Variants in REEP2 observed in about 807,000 individuals in gnomAD.
REEP2 encodes the protein receptor expression-enhancing protein 2.
In REEP2, 9 loss-of-function variants were observed where a neutral mutation model predicts 32.1. The ratio of observed to expected loss-of-function variants is 0.28; its 90% CI spans 0.17 to 0.49. The LOEUF is 0.49. REEP2 is among the 20% of genes least tolerant of loss of function. The pLI is 0.99. For missense variants in REEP2, 236 were observed against 338.0 expected, an observed-to-expected ratio of 0.70 and a Z score of 2.37; for synonymous variants, 128 against 139.1, an observed-to-expected ratio of 0.92 and a Z score of 0.56.
rs752698231 is a variant in REEP2, at chr5:138,445,333, C to T, written c.523C>T (p.Arg175Ter). The change falls in exon 6 of 8, where the codon CGA becomes TGA. Residue 175 changes from arginine to a stop codon, truncating the protein, a stop_gained. Coordinates refer to ENST00000378339, the MANE Select transcript of REEP2 (RefSeq NM_001271803.2). LOFTEE classifies it high-confidence loss of function. ...CCTGCAGAGGCCTGACGGCCGCCTC[C>T]GACCCAGCCCTGGCAGCCTCCTGGA... ...LPLQRPDGRL[R>*]PSPGSLLDTI... is the part of the protein sequence containing the mutation. The T allele has an allele frequency of 1.9e-6, 3 of 1,613,452 alleles. No homozygotes were observed. The highest frequency in any genetic ancestry group is 1.3e-5 in the African/African-American group (1 of 74,948).
In REEP2 at chr5:138,439,088, C is replaced by T. The variant is rs1763770721; in HGVS notation, c.-121C>T. 2.6e-6 allele frequency: 1 copy of T among 379,796 alleles called. No individual in the cohort carries two copies. Among genetic ancestry groups the T allele is most frequent in the East Asian group, 7.6e-5 (1 of 13,226 alleles). 23.5% of individuals were successfully genotyped at this position (379,796 alleles called of 1,614,324 possible). A position where few individuals can be genotyped will look rare whatever the true frequency, so the allele number is the denominator to read the frequency against. On this transcript the variant is annotated 5_prime_UTR_variant, in exon 1 of 8. Coordinates refer to ENST00000378339, the MANE Select transcript of REEP2 (RefSeq NM_001271803.2). Reference sequence around the variant, plus strand: ...GGGCGCTCCGCTGCCCCCGCGGCGGCTGCTGCAGCGGCTGCTGCTGCTACT... The same window carrying T: ...GGGCGCTCCGCTGCCCCCGCGGCGGTTGCTGCAGCGGCTGCTGCTGCTACT...
At position 138,444,496 on chromosome 5, in the gene REEP2, C is replaced by T; in HGVS notation, c.264C>T (p.Tyr88=). 1 of 1,614,110 alleles carries T rather than the reference C, an allele frequency of 6.2e-7. No homozygotes were observed. Among genetic ancestry groups the T allele is most frequent in the Non-Finnish European group, 8.5e-7 (1 of 1,179,990 alleles). Residue 88 remains tyrosine, a synonymous_variant, in exon 4 of 8, where the codon TAC becomes TAT. Coordinates refer to ENST00000378339, the MANE Select transcript of REEP2 (RefSeq NM_001271803.2). ...ACACCAAGGGCTCCAGCGTGCTCTA[C>T]CGCAAGTTCGTGCACCCAACGCTGT... is the stretch of plus-strand genomic sequence containing the variant. The part of the protein sequence containing the change: ...SPYTKGSSVL[Y]RKFVHPTLSN...
chr5:138,441,438 G>A lies in REEP2; in HGVS notation c.159G>A (p.Thr53=), dbSNP rs138667579. 1.3e-4 allele frequency: 216 copies of A among 1,614,090 alleles called. No homozygotes were observed. Among genetic ancestry groups the A allele is most frequent in the African/African-American group, 7.1e-4 (53 of 75,036 alleles). The change falls in exon 3 of 8, where the codon ACG becomes ACA. Residue 53 remains threonine (T), a synonymous_variant. Transcript: ENST00000378339. The surrounding 1 kb of genome is among the most constrained non-coding windows in gnomAD (Gnocchi z 4.4). ...IVFAFFTTAE[T]LTDIVLSWFP... ...TTGCCTTCTTCACCACGGCCGAGAC[G>A]CTCACGGATATAGTGCTCTCCTGGT...
chr5:138,444,342 G>T, intron 3 of REEP2, 73 bp from the exon 4 acceptor site: 1 of 1,561,274 alleles, frequency 6.4e-7, no homozygotes. Flanking sequence ...TCACACATGG[G>T]GCCGGTGCTG....
chr5:138,441,209 C>A lies in REEP2; in HGVS notation c.105+121C>A. ...CACTGTCAGCCACTAACAAGACCCA[C>A]CAGCAAAGGAGGGCCCTGGGTGTCC... On this transcript the variant is annotated intron_variant, in intron 2 of 7. Transcript: ENST00000378339. This position sits in a 1 kb window ranked among gnomAD's most constrained non-coding sequence, Gnocchi z 4.4. 7.0e-7 allele frequency: 1 copy of A among 1,418,982 alleles called. No individual in the cohort carries two copies. Among genetic ancestry groups the A allele is most frequent in the Non-Finnish European group, 9.8e-7 (1 of 1,019,986 alleles). The allele number at this position is 1,418,982 out of a possible 1,614,324, so 87.9% of individuals were successfully genotyped here.
At chr5:138,439,404 G>A (rs939260091) in intron 1 of REEP2, among the ~76,000 whole-genome samples, 164 bp downstream of exon 1, 2 of 152,134 alleles carry the variant, frequency 1.3e-5, no homozygotes, top group African/African-American at 4.8e-5. Flanking sequence ...CAGGACTGGA[G>A]GGGGGAATAT....
rs141618979 is a variant in REEP2, at chr5:138,445,766, G to A, written c.*15G>A. ...ACTCAGCTTGAGCCCCTCCACCCCC[G>A]CAGGCTGCAGAGCAAGGATGAAGCC... On this transcript the variant is annotated 3_prime_UTR_variant, in exon 8 of 8. Transcript: ENST00000378339. The A allele has an allele frequency of 8.7e-6, 14 of 1,610,926 alleles. No individual in the cohort carries two copies. Among genetic ancestry groups the A allele is most frequent in the Middle Eastern group, 1.7e-4 (1 of 6,048 alleles).
chr5:138,440,191 C>A (rs1026149714), intron 1 of REEP2, among the ~76,000 whole-genome samples: 8 of 152,210 alleles, frequency 5.3e-5, no homozygotes, highest in Non-Finnish European at 1.0e-4. Flanking sequence ...GGACTGACAC[C>A]GGCAGCCCCA....
At chr5:138,444,678 G>T in intron 4 of REEP2, 76 bp from the exon 5 acceptor site, 2 of 1,568,318 alleles carry the variant, frequency 1.3e-6, no homozygotes, top group East Asian at 2.3e-5. Flanking sequence ...CCCGGAGCAG[G>T]CAGGGGCCTC....
At position 138,445,657 on chromosome 5, in the gene REEP2, C is replaced by A. The variant is rs780135763; in HGVS notation, c.697-26C>A. 5.0e-6 allele frequency: 8 copies of A among 1,613,976 alleles called. No homozygotes were observed. The African/African-American group carries it at 8.0e-5, about 16-fold the overall frequency. On this transcript the variant is annotated intron_variant, in intron 7 of 7. Coordinates refer to ENST00000378339, the MANE Select transcript of REEP2 (RefSeq NM_001271803.2). ...CAGGGGGTGGCGGCTCCAGGCTGAG[C>A]CCCATCTTCCTCCTTCTTTCCACAG...
intron 4 of REEP2, 64 bp from the exon 5 acceptor site, chr5:138,444,690 G>A (rs927170332): frequency 1.1e-4 from 170 of 1,580,188 alleles, no homozygotes; most frequent in Non-Finnish European, 1.4e-4. Context: ...AGGGGCCTCT[G>A]TCCAGGGGTG....
chr5:138,445,703 G>A lies in REEP2; in HGVS notation c.717G>A (p.Leu239=). The change falls in exon 8 of 8, where the codon CTG becomes CTA. Residue 239 remains leucine, a synonymous_variant. Coordinates refer to ENST00000378339, the MANE Select transcript of REEP2 (RefSeq NM_001271803.2). ...CACAGCCACTGGCTTCCAAGACACT[G>A]AAGACCCGGCCCAAGAAGAAGACCT... ...PKAEPLASKT[L]KTRPKKKTSG... The A allele has an allele frequency of 6.2e-7, 1 of 1,614,124 alleles. No individual in the cohort carries two copies. The highest frequency in any genetic ancestry group is 8.5e-7 in the Non-Finnish European group (1 of 1,180,012).
rs1383066916 is a variant in REEP2, at chr5:138,441,769, AC to A, written c.182+309del. Among the ~76,000 whole-genome samples the A allele has an allele frequency of 6.6e-6, 1 of 151,516 alleles. No individual in the cohort carries two copies. Among genetic ancestry groups the A allele is most frequent in the African/African-American group, 2.4e-5 (1 of 41,338 alleles). ...GTGAAACCCCGTCTCCACTAAAAAT[AC>A]AAAAAAAAAATAGCTGGGCATGGTG... On this transcript the variant is annotated intron_variant, in intron 3 of 7. Coordinates refer to ENST00000378339, the MANE Select transcript of REEP2 (RefSeq NM_001271803.2). This position sits in a 1 kb window ranked among gnomAD's most constrained non-coding sequence, Gnocchi z 4.4.
intron 3 of REEP2, among the ~76,000 whole-genome samples, chr5:138,444,052 G>T (rs1393637726): frequency 6.6e-6 from 1 of 152,100 alleles, no homozygotes; most frequent in Admixed American, 6.6e-5. Flanking sequence ...GAAAGGGAAG[G>T]AGTGAAGACC....
chr5:138,442,902 T>C (rs1218485377), intron 3 of REEP2, among the ~76,000 whole-genome samples: 1 of 150,482 alleles, frequency 6.6e-6, no homozygotes, highest in East Asian at 2.0e-4. Context: ...GGCACCTACT[T>C]GTAATCCCAG....
chr5:138,441,432 C>T lies in REEP2; in HGVS notation c.153C>T (p.Ala51=), dbSNP rs549327972. 9 of 1,614,202 alleles carry T rather than the reference C, an allele frequency of 5.6e-6. 1 individual carries two copies. The highest frequency in any genetic ancestry group is 4.0e-5 in the African/African-American group (3 of 75,060). The change falls in exon 3 of 8, where the codon GCC becomes GCT. Residue 51 remains alanine, a synonymous_variant. Transcript: ENST00000378339. The surrounding 1 kb of genome is among the most constrained non-coding windows in gnomAD (Gnocchi z 4.4). ...YWIVFAFFTT[A]ETLTDIVLSW... The stretch of plus-strand genomic sequence containing the variant: ...TCGTCTTTGCCTTCTTCACCACGGC[C>T]GAGACGCTCACGGATATAGTGCTCT...
rs962750417 is a variant in REEP2 at position 138,446,318 on chromosome 5, G to A, written c.*567G>A. 7 of 154,014 alleles carry A rather than the reference G, an allele frequency of 4.5e-5. No individual in the cohort carries two copies. Among genetic ancestry groups the A allele is most frequent in the Admixed American group, 2.6e-4 (4 of 15,512 alleles). The allele number at this position is 154,014 out of a possible 1,614,324, so 9.5% of individuals were successfully genotyped here. A position where few individuals can be genotyped will look rare whatever the true frequency, so the allele number is the denominator to read the frequency against. On this transcript the variant is annotated 3_prime_UTR_variant, in exon 8 of 8. Coordinates refer to ENST00000378339, the MANE Select transcript of REEP2 (RefSeq NM_001271803.2). ...GATGGCCAGGCCAGAGCTGCAGCTG[G>A]GGGCTCTTTTCCTGGTCATTGGGTG...
chr5:138,444,653 G>A (rs1255859740), intron 4 of REEP2, 101 bp from the exon 5 acceptor site: 1 of 1,558,414 alleles, frequency 6.4e-7, no homozygotes, highest in Non-Finnish European at 8.8e-7. Flanking sequence ...TGACTTGGCA[G>A]GGCTGCCGTG....
chr5:138,445,350 C>T lies in REEP2; in HGVS notation c.540C>T (p.Ser180=), dbSNP rs1371022332. ...PDGRLRPSPG[S]LLDTIEDLGD... ...GCCGCCTCCGACCCAGCCCTGGCAG[C>T]CTCCTGGACACCATCGAGGACTTAG... Residue 180 remains serine (S), a synonymous_variant, in exon 6 of 8, where the codon AGC becomes AGT. Coordinates refer to ENST00000378339, the MANE Select transcript of REEP2 (RefSeq NM_001271803.2). The T allele has an allele frequency of 5.0e-6, 8 of 1,612,794 alleles. No homozygotes were observed. The highest frequency in any genetic ancestry group is 6.8e-6 in the Non-Finnish European group (8 of 1,179,574).
Sources: allele counts gnomAD v4.1 joint callset (sites outside exome capture counted in the v4.1 genomes callset), GRCh38; gene constraint gnomAD v4.1.1; non-coding constraint Gnocchi (gnomAD v3.1); transcripts MANE v1.5; gene names NCBI Gene and HGNC (gene_info 2026-07-23, HGNC 2026-07-21).